Variants in RAD54L2 observed in about 807,000 individuals in gnomAD.
RAD54L2 encodes the protein helicase ARIP4.
Under a neutral mutation model 138.4 loss-of-function variants are expected in RAD54L2, and 27 were observed. The ratio of observed to expected loss-of-function variants is 0.20; its 90% confidence interval spans 0.14 to 0.27. The LOEUF is 0.27. Ranked by LOEUF, RAD54L2 falls within the 10% of genes least tolerant of loss-of-function variation. RAD54L2 has a pLI of 1.00. For synonymous variants in RAD54L2, 644 were observed against 723.2 expected (o/e 0.89, Z 1.76); for missense variants, 1,396 against 1,890.2 (o/e 0.74, Z 4.85).
intron 20 of RAD54L2, among the ~76,000 whole-genome samples, chr3:51,657,099 TGAAAA>T (rs1023126225): frequency 4.6e-5 from 7 of 152,210 alleles, no homozygotes; most frequent in East Asian, 3.9e-4. Context: ...TTGAAACACA[TGAAAA>T]GAAAAAGAGA....
intron 6 of RAD54L2, 67 bp from the exon 7 acceptor site, chr3:51,630,638 C>G: frequency 7.5e-7 from 1 of 1,326,028 alleles, no homozygotes. Context: ...GTCTTCTGCT[C>G]TGACTGTGTG....
At position 51,589,683 on chromosome 3, in the gene RAD54L2, T is replaced by TATATATAC. The variant is rs1553680963; in HGVS notation, c.-54-683_-54-682insTATATACA. 2.0e-3 allele frequency among the ~76,000 whole-genome samples: 287 copies of TATATATAC among 144,842 alleles called. 2 individuals are homozygous for TATATATAC. The highest frequency in any genetic ancestry group is 6.1e-3 in the African/African-American group (240 of 39,308). On this transcript the variant is annotated intron_variant, in intron 2 of 22. Coordinates refer to ENST00000684192, the MANE Select transcript of RAD54L2 (RefSeq NM_015106.4). ...CTCTATACATATATATATATATATA[T>TATATATAC]ACACACACACACACACACACACACA... is the stretch of plus-strand genomic sequence containing the variant.
At position 51,649,687 on chromosome 3, in the gene RAD54L2, C is replaced by T. The variant is rs556366096; in HGVS notation, c.3026+3206C>T. Among the ~76,000 whole-genome samples, 341 of 152,230 alleles carry T rather than the reference C, an allele frequency of 2.2e-3. 1 individual carries two copies. Among genetic ancestry groups the T allele is most frequent in the African/African-American group, 7.7e-3 (318 of 41,552 alleles). On this transcript the variant is annotated intron_variant, in intron 19 of 22. Transcript: ENST00000684192. ...AATTTTCAACCCAGAATTTCATATC[C>T]AGCCAAACTAAGCTTCATAAGTGAA...
At chr3:51,610,358 C>T (rs1284939092) in intron 3 of RAD54L2, among the ~76,000 whole-genome samples, 14 of 152,110 alleles carry the variant, frequency 9.2e-5, no homozygotes, top group Non-Finnish European at 1.8e-4. Context: ...AATCCCAGCA[C>T]TTTGGGAGGC....
intron 3 of RAD54L2, among the ~76,000 whole-genome samples, chr3:51,608,468 A>G (rs1428573212): frequency 1.3e-5 from 2 of 152,182 alleles, no homozygotes; most frequent in African/African-American, 4.8e-5. Flanking sequence ...TGGGAGGCCA[A>G]GGCAGGCGGC....
rs1444745308 is a variant in RAD54L2, at chr3:51,665,795, T to A, written c.*2375T>A. 6.6e-6 allele frequency: 1 copy of A among 152,122 alleles called. No homozygotes were observed. Among genetic ancestry groups the A allele is most frequent in the Non-Finnish European group, 1.5e-5 (1 of 68,056 alleles). The allele number at this position is 152,122 out of a possible 1,614,324, so 9.4% of individuals were successfully genotyped here. On this transcript the variant is annotated 3_prime_UTR_variant, in exon 23 of 23. Coordinates refer to ENST00000684192, the MANE Select transcript of RAD54L2 (RefSeq NM_015106.4). ...GGAGCACTGGGATCCCAGAGATGCA[T>A]GTGTGCATGTGTATGTCTGTGTGTG... is the stretch of plus-strand genomic sequence containing the variant.
At chr3:51,644,048 C>A in intron 16 of RAD54L2, 74 bp downstream of exon 16, 3 of 1,180,582 alleles carry the variant, frequency 2.5e-6, no homozygotes, top group South Asian at 2.8e-5. Flanking sequence ...TACCCCAAAA[C>A]TCCAAGTTCC....
chr3:51,564,938 A>G (rs188579910), intron 2 of RAD54L2, among the ~76,000 whole-genome samples: 121 of 152,210 alleles, frequency 7.9e-4, no homozygotes, highest in African/African-American at 2.7e-3. Context: ...CATATGTTTG[A>G]TTCTTTTCTG....
intron 12 of RAD54L2, chr3:51,639,161 T>C (rs1476117957): frequency 1.4e-5 from 7 of 492,642 alleles, no homozygotes; most frequent in African/African-American, 1.1e-4. Flanking sequence ...TGACAGCTTT[T>C]TTGATTATGT....
chr3:51,629,811 T>C (rs1700794638), intron 5 of RAD54L2, among the ~76,000 whole-genome samples: 1 of 151,908 alleles, frequency 6.6e-6, no homozygotes, highest in Non-Finnish European at 1.5e-5. Flanking sequence ...TGCAGGGAGC[T>C]GAGACTGCGC....
At chr3:51,554,669 C>T (rs1386613734) in intron 2 of RAD54L2, among the ~76,000 whole-genome samples, 6 of 152,150 alleles carry the variant, frequency 3.9e-5, no homozygotes, top group Non-Finnish European at 7.3e-5. Context: ...TCTATAAACA[C>T]AACTGGATCT....
intron 19 of RAD54L2, among the ~76,000 whole-genome samples, chr3:51,653,533 G>A (rs2106840941): frequency 6.6e-6 from 1 of 152,240 alleles, no homozygotes; most frequent in African/African-American, 2.4e-5. Flanking sequence ...AACCAACCCA[G>A]ATGTCCATCA....
At chr3:51,655,132 C>CAGCA (rs1309878620) in intron 19 of RAD54L2, among the ~76,000 whole-genome samples, 1 of 152,122 alleles carries the variant, frequency 6.6e-6, no homozygotes. Flanking sequence ...CCAGCTCCAA[C>CAGCA]AGCAGAGTGG....
rs138707228 is a variant in RAD54L2, at chr3:51,591,219, T to C, written c.139+660T>C. 6.6e-5 allele frequency among the ~76,000 whole-genome samples: 10 copies of C among 152,330 alleles called. No homozygotes were observed. The South Asian group carries it at 8.3e-4, about 13-fold the overall frequency. Reference sequence around the variant, plus strand: ...AGCTTCTTGAAATGGCATTGAACTTTTAATGTTCAGTCTAATGTTAGGTTA... The same window carrying C: ...AGCTTCTTGAAATGGCATTGAACTTCTAATGTTCAGTCTAATGTTAGGTTA... On this transcript the variant is annotated intron_variant, in intron 3 of 22. Coordinates refer to ENST00000684192, the MANE Select transcript of RAD54L2 (RefSeq NM_015106.4).
At chr3:51,642,415 T>C (rs771991309) in intron 15 of RAD54L2, among the ~76,000 whole-genome samples, 2 of 151,336 alleles carry the variant, frequency 1.3e-5, no homozygotes, top group Non-Finnish European at 2.9e-5. Context: ...TAAACAGATA[T>C]ACAGTTTATC....
chr3:51,612,376 C>T (rs1350515032), intron 3 of RAD54L2, among the ~76,000 whole-genome samples: 2 of 152,144 alleles, frequency 1.3e-5, no homozygotes, highest in Non-Finnish European at 2.9e-5. Flanking sequence ...GCAGGAGAAT[C>T]GCTTGAACCT....
chr3:51,638,696 A>G lies in RAD54L2; in HGVS notation c.1860+375A>G. On this transcript the variant is annotated intron_variant, in intron 12 of 22. Coordinates refer to ENST00000684192, the MANE Select transcript of RAD54L2 (RefSeq NM_015106.4). This position sits in a 1 kb window ranked among gnomAD's most constrained non-coding sequence, Gnocchi z 4.3. ...TTAGGGGTACCTTCCATTGGATTCC[A>G]TACTTAATCAGATTGAGACCTCTCT... The G allele has an allele frequency of 5.5e-6, 1 of 180,768 alleles. No homozygotes were observed. Among genetic ancestry groups the G allele is most frequent in the Non-Finnish European group, 1.2e-5 (1 of 85,848 alleles). 11.2% of individuals were successfully genotyped at this position (180,768 alleles called of 1,614,324 possible).
rs747610693 is a variant in RAD54L2, at chr3:51,646,487, T to C, written c.3026+6T>C. 1.2e-5 allele frequency: 20 copies of C among 1,601,476 alleles called. No individual in the cohort carries two copies. The Admixed American group carries it at 3.5e-4, about 28-fold the overall frequency. ...GCCTTCAGCCAGAGAAACTGGTGAG[T>C]TGCTGAAAGGGGAGGGTCTGCTGCT... On this transcript the variant is annotated splice_donor_region_variant and intron_variant, in intron 19 of 22. Transcript: ENST00000684192.
intron 3 of RAD54L2, among the ~76,000 whole-genome samples, chr3:51,591,558 A>G (rs1699841767): frequency 6.6e-6 from 1 of 152,076 alleles, no homozygotes; most frequent in Admixed American, 6.6e-5. Flanking sequence ...CCTCCTTTAT[A>G]CTGTCCAGAA....
Sources: allele counts gnomAD v4.1 joint callset (sites outside exome capture counted in the v4.1 genomes callset), GRCh38; gene constraint gnomAD v4.1.1; non-coding constraint Gnocchi (gnomAD v3.1); transcripts MANE v1.5; gene names NCBI Gene and HGNC (gene_info 2026-07-23, HGNC 2026-07-21).